Variants in CTNNBL1 observed in about 807,000 individuals in gnomAD.
CTNNBL1 encodes the protein catenin beta like 1, also known as beta-catenin-like protein 1.
CTNNBL1 carries 31 observed loss-of-function variants against 72.7 expected under a neutral mutation model. The ratio of observed to expected loss-of-function variants is 0.43; its 90% CI spans 0.32 to 0.58. The LOEUF (loss-of-function observed/expected upper bound fraction) is 0.58, where lower values mean the gene tolerates loss of function less well. Ranked by LOEUF, CTNNBL1 falls within the 20% of genes least tolerant of loss-of-function variation. CTNNBL1 has a pLI of 0.08. For synonymous variants in CTNNBL1, 240 were observed against 267.3 expected, an observed-to-expected ratio of 0.90 and a Z score of 1.00; for missense variants, 534 against 725.1, an observed-to-expected ratio of 0.74 and a Z score of 3.03.
At chr20:37,730,387 A>G (rs1017293828) in intron 1 of CTNNBL1, among the ~76,000 whole-genome samples, 1 of 152,238 alleles carries the variant, frequency 6.6e-6, no homozygotes, top group Non-Finnish European at 1.5e-5. Context: ...ATTACCTCAC[A>G]GTGATGATTT....
chr20:37,833,091 T>C (rs2072225321), intron 11 of CTNNBL1, among the ~76,000 whole-genome samples: 1 of 152,222 alleles, frequency 6.6e-6, no homozygotes, highest in South Asian at 2.1e-4. Flanking sequence ...AAAGCAGATT[T>C]AGATTCCAGT....
intron 1 of CTNNBL1, among the ~76,000 whole-genome samples, chr20:37,722,264 A>C (rs1251037842): frequency 6.6e-6 from 1 of 152,132 alleles, no homozygotes; most frequent in Non-Finnish European, 1.5e-5. Flanking sequence ...ATTTGAGGTC[A>C]GGAGTTTGAG....
At chr20:37,701,798 C>T (rs898920702) in intron 1 of CTNNBL1, among the ~76,000 whole-genome samples, 5 of 151,868 alleles carry the variant, frequency 3.3e-5, no homozygotes, top group Middle Eastern at 3.4e-3. Flanking sequence ...AGATGTGTGG[C>T]GTAATACATC....
chr20:37,844,999 A>G (rs1159041947), intron 13 of CTNNBL1, among the ~76,000 whole-genome samples: 1 of 152,234 alleles, frequency 6.6e-6, no homozygotes, highest in Non-Finnish European at 1.5e-5. Context: ...AAGACTAAGC[A>G]TAAAGTATAG....
rs567530420 is a variant in CTNNBL1 at position 37,801,561 on chromosome 20, TTA to T, written c.1032-1304_1032-1303del. ...CTTTATTTTTTTTCTTGAAAATAGTTTATGTTTTTTAATTCTATGTTCATTAT... is the reference window on the plus strand; with the variant it reads ...CTTTATTTTTTTTCTTGAAAATAGTTTGTTTTTTAATTCTATGTTCATTAT... On this transcript the variant is annotated intron_variant, in intron 10 of 15. Coordinates refer to ENST00000361383, the MANE Select transcript of CTNNBL1 (RefSeq NM_030877.5). Among the ~76,000 whole-genome samples, 362 of 152,334 alleles carry T rather than the reference TTA, an allele frequency of 2.4e-3. 2 individuals carry two copies. The highest frequency in any genetic ancestry group is 7.6e-3 in the African/African-American group (315 of 41,566).
At chr20:37,694,233 T>C in intron 1 of CTNNBL1, 81 bp downstream of exon 1, 1 of 1,264,238 alleles carries the variant, frequency 7.9e-7, no homozygotes, top group Non-Finnish European at 1.1e-6. Flanking sequence ...TCATCTCACC[T>C]CCTCTCGCCT....
chr20:37,695,962 C>T (rs2072787350), intron 1 of CTNNBL1, among the ~76,000 whole-genome samples: 1 of 152,136 alleles, frequency 6.6e-6, no homozygotes, highest in Non-Finnish European at 1.5e-5. Context: ...GCTATATAGC[C>T]AAGAGATTTT....
chr20:37,852,052 CA>C (rs1005773367), intron 13 of CTNNBL1, among the ~76,000 whole-genome samples: 9 of 152,192 alleles, frequency 5.9e-5, no homozygotes, highest in African/African-American at 2.2e-4. Flanking sequence ...CTGCTTTGCA[CA>C]GTAAAAAATG....
intron 11 of CTNNBL1, among the ~76,000 whole-genome samples, chr20:37,836,969 C>T (rs779712788): frequency 1.3e-5 from 2 of 151,980 alleles, no homozygotes; most frequent in Non-Finnish European, 2.9e-5. Context: ...TAAGTAATTC[C>T]AAAGTTTTAG....
intron 11 of CTNNBL1, among the ~76,000 whole-genome samples, chr20:37,819,677 T>G (rs2122767975): frequency 6.6e-6 from 1 of 152,306 alleles, no homozygotes; most frequent in Non-Finnish European, 1.5e-5. Flanking sequence ...TTTTTGGGAT[T>G]TTAACATTCA....
chr20:37,787,636 G>T (rs148440959), intron 10 of CTNNBL1, among the ~76,000 whole-genome samples: 1 of 152,168 alleles, frequency 6.6e-6, no homozygotes, highest in Non-Finnish European at 1.5e-5. Context: ...GAGCCACCGC[G>T]CCCGGCCCAT....
chr20:37,734,241 G>A (rs1446375205), intron 2 of CTNNBL1, among the ~76,000 whole-genome samples: 1 of 152,166 alleles, frequency 6.6e-6, no homozygotes, highest in Non-Finnish European at 1.5e-5. Context: ...TCTTTATTAG[G>A]ATTTGTACTA....
chr20:37,800,418 C>G (rs1015840398), intron 10 of CTNNBL1, among the ~76,000 whole-genome samples: 6 of 152,180 alleles, frequency 3.9e-5, no homozygotes, highest in African/African-American at 1.4e-4. Flanking sequence ...CCACTTCTGC[C>G]CTACCACTGC....
intron 4 of CTNNBL1, 45 bp downstream of exon 4, chr20:37,746,652 G>A (rs752342177): frequency 8.1e-6 from 13 of 1,611,434 alleles, no homozygotes; most frequent in Non-Finnish European, 1.1e-5. Flanking sequence ...GACATGGTGG[G>A]GAAGTGCTGT....
intron 14 of CTNNBL1, 75 bp downstream of exon 14, chr20:37,860,111 C>G: frequency 1.4e-6 from 1 of 704,912 alleles, no homozygotes; most frequent in Non-Finnish European, 2.0e-6. Context: ...TGGACTCTCA[C>G]TCAGGGAAAG....
In CTNNBL1 at chr20:37,757,788, A is replaced by G. The variant is rs1467979524; in HGVS notation, c.564+132A>G. The G allele has an allele frequency of 4.7e-6, 3 of 635,560 alleles. No individual in the cohort carries two copies. The East Asian group carries it at 8.3e-5, about 18-fold the overall frequency. 39.4% of individuals were successfully genotyped at this position (635,560 alleles called of 1,614,324 possible). A position where few individuals can be genotyped will look rare whatever the true frequency, so the allele number is the denominator to read the frequency against. On this transcript the variant is annotated intron_variant, in intron 5 of 15. Coordinates refer to ENST00000361383, the MANE Select transcript of CTNNBL1 (RefSeq NM_030877.5). ...GGAGTGTGGTGAGGCTGGAGTGAAT[A>G]AGGAGAGTAAAAAAGTAGAGATGTG...
intron 1 of CTNNBL1, among the ~76,000 whole-genome samples, chr20:37,710,049 C>A (rs1042081763): frequency 3.9e-5 from 6 of 152,200 alleles, no homozygotes; most frequent in Admixed American, 2.6e-4. Context: ...CTTGATTATG[C>A]GTCCTCTTTT....
chr20:37,744,872 A>G (rs946902265), intron 3 of CTNNBL1, among the ~76,000 whole-genome samples: 2 of 152,230 alleles, frequency 1.3e-5, no homozygotes, highest in African/African-American at 4.8e-5. Flanking sequence ...CATACAGGCA[A>G]ACATACATGG....
chr20:37,716,601 A>C (rs2072988570), intron 1 of CTNNBL1, among the ~76,000 whole-genome samples: 1 of 152,200 alleles, frequency 6.6e-6, no homozygotes, highest in Non-Finnish European at 1.5e-5. Context: ...AATAAAGTGC[A>C]TCTTACACAA....
Sources: allele counts gnomAD v4.1 joint callset (sites outside exome capture counted in the v4.1 genomes callset), GRCh38; gene constraint gnomAD v4.1.1; transcripts MANE v1.5; gene names NCBI Gene and HGNC (gene_info 2026-07-23, HGNC 2026-07-21).